TMEM245: variants seen among roughly 807,000 people sequenced by gnomAD.
TMEM245 encodes the protein protein CG-2.
A neutral mutation model predicts 101.2 loss-of-function variants in TMEM245; 69 were observed. That is an observed-to-expected ratio of 0.68 (90% CI 0.56 to 0.83). The LOEUF (loss-of-function observed/expected upper bound fraction) is 0.83, where lower values mean the gene tolerates loss of function less well. Among genes scored for constraint, TMEM245 ranks in the 40% least tolerant of loss-of-function variants. The pLI is 0.00. For missense variants in TMEM245, 1,075 were observed against 1,092.8 expected, an observed-to-expected ratio of 0.98 and a Z score of 0.23; for synonymous variants, 537 against 449.8, an observed-to-expected ratio of 1.19 and a Z score of -2.45.
At chr9:109,034,721 C>T (rs62575217) in intron 16 of TMEM245, among the ~76,000 whole-genome samples, 9,365 of 152,210 alleles carry the variant, frequency 0.062, 371 homozygotes, top group South Asian at 0.14. Flanking sequence ...GGTAGGATTA[C>T]AGGCTTGAGC....
rs769914918 is a variant in TMEM245, at chr9:109,057,196, G to C, written c.1849C>G (p.Leu617Val). 6.2e-7 allele frequency: 1 copy of C among 1,612,276 alleles called. No homozygotes were observed. The highest frequency in any genetic ancestry group is 8.5e-7 in the Non-Finnish European group (1 of 1,179,232). Residue 617 changes from leucine (L) to valine (V), a missense_variant, in exon 12 of 18, where the codon CTT (leucine) becomes GTT (valine). Physicochemically the swap from Leu to Val is conservative, Grantham distance 32. Coordinates refer to ENST00000374586, the MANE Select transcript of TMEM245 (RefSeq NM_032012.4). ...SFVHENIETF[L>V]SILESLWIVM... Reference sequence around the variant, plus strand: ...CTATAAATGCTATTTCTTACCGAAAGAAATGTCTCAATGTTCTCGTGAACA... The same window carrying C: ...CTATAAATGCTATTTCTTACCGAAACAAATGTCTCAATGTTCTCGTGAACA...
chr9:109,116,612 A>G (rs1830730672), intron 1 of TMEM245, among the ~76,000 whole-genome samples: 1 of 151,788 alleles, frequency 6.6e-6, no homozygotes, highest in South Asian at 2.1e-4. Context: ...ACTCACTGCA[A>G]CCTCCAACTC....
intron 4 of TMEM245, 144 bp from the exon 5 acceptor site, chr9:109,091,299 A>G: frequency 1.5e-6 from 1 of 650,276 alleles, no homozygotes; most frequent in Non-Finnish European, 2.6e-6. Flanking sequence ...AAAGACAAAA[A>G]TATTTGGACC....
At chr9:109,074,416 C>A (rs1480130039) in intron 8 of TMEM245, among the ~76,000 whole-genome samples, 1 of 152,160 alleles carries the variant, frequency 6.6e-6, no homozygotes, top group Non-Finnish European at 1.5e-5. Context: ...CTGACCCCAT[C>A]ACCCAGGAGC....
intron 14 of TMEM245, among the ~76,000 whole-genome samples, chr9:109,042,675 T>C (rs1414504916): frequency 6.6e-6 from 1 of 152,056 alleles, no homozygotes; most frequent in Non-Finnish European, 1.5e-5. Flanking sequence ...ATGAAGCTCA[T>C]ATAACATAAA....
chr9:109,106,424 A>C, intron 3 of TMEM245, 84 bp downstream of exon 3: 1 of 788,856 alleles, frequency 1.3e-6, no homozygotes, highest in East Asian at 2.7e-5. Flanking sequence ...ATAGATTCAA[A>C]GCTGTTTCAT....
At position 109,033,431 on chromosome 9, in the gene TMEM245, TTGCTCCTTCCAGGCCTAGGTAGTA is replaced by T; in HGVS notation, c.2446_2469del (p.Tyr816_Ala823del). ...ATGCAGAGAAGAATAGGACCGATGA[TTGCTCCTTCCAGGCCTAGGTAGTA>T]TGCTCCACCGGCCACTGCCAAGCCT... On this transcript the variant is annotated inframe_deletion, in exon 17 of 18. Transcript: ENST00000374586. 1 of 1,614,100 alleles carries T rather than the reference TTGCTCCTTCCAGGCCTAGGTAGTA, an allele frequency of 6.2e-7. No homozygotes were observed. The highest frequency in any genetic ancestry group is 1.3e-5 in the African/African-American group (1 of 75,032).
At chr9:109,082,995 A>C (rs1231654458) in intron 7 of TMEM245, among the ~76,000 whole-genome samples, 2 of 152,118 alleles carry the variant, frequency 1.3e-5, no homozygotes, top group Non-Finnish European at 2.9e-5. Flanking sequence ...ACATGTGGCC[A>C]GTTAAGTTAG....
chr9:109,078,694 G>A (rs1829587751), intron 8 of TMEM245, among the ~76,000 whole-genome samples: 1 of 152,146 alleles, frequency 6.6e-6, no homozygotes, highest in African/African-American at 2.4e-5. Context: ...TCTTTCGGCA[G>A]TTTGACTATG....
chr9:109,063,113 C>A (rs1055442024), intron 10 of TMEM245, among the ~76,000 whole-genome samples: 1 of 152,018 alleles, frequency 6.6e-6, no homozygotes, highest in African/African-American at 2.4e-5. Flanking sequence ...GGTAAACAAG[C>A]TCATCTAATT....
intron 15 of TMEM245, 52 bp from the exon 16 acceptor site, chr9:109,036,432 C>T: frequency 6.7e-7 from 1 of 1,490,160 alleles, no homozygotes; most frequent in East Asian, 2.4e-5. Context: ...AAAACACTAA[C>T]AAAGCAAAAG....
At chr9:109,060,721 C>T (rs901821467) in intron 10 of TMEM245, among the ~76,000 whole-genome samples, 3 of 152,146 alleles carry the variant, frequency 2.0e-5, no homozygotes, top group Non-Finnish European at 4.4e-5. Context: ...GCAAATGAAG[C>T]CATGATTGCT....
Position 109,073,344 on chromosome 9 carries a change from C to A in TMEM245, c.1532+12G>T. ...CATTCATCTCTCTTCTTTTTCAAAACAATATTCTTACTTTGCCCACTCAGG... is the reference window on the plus strand; with the variant it reads ...CATTCATCTCTCTTCTTTTTCAAAAAAATATTCTTACTTTGCCCACTCAGG... On this transcript the variant is annotated intron_variant, in intron 9 of 17. Transcript: ENST00000374586. The A allele has an allele frequency of 6.2e-7, 1 of 1,603,550 alleles. No individual in the cohort carries two copies. Among genetic ancestry groups the A allele is most frequent in the South Asian group, 1.1e-5 (1 of 90,802 alleles).
rs755399182 is a variant in TMEM245, at chr9:109,032,365, C to CTTTTTTTTTTTTTTTTTTTTT, written c.2594+921_2594+941dup. 1.7e-3 allele frequency among the ~76,000 whole-genome samples: 68 copies of CTTTTTTTTTTTTTTTTTTTTT among 40,978 alleles called. 26 individuals are homozygous for CTTTTTTTTTTTTTTTTTTTTT. The highest frequency in any genetic ancestry group is 2.3e-3 in the Non-Finnish European group (51 of 22,612). 26.9% of individuals were successfully genotyped at this position (40,978 alleles called of 152,430 possible). On this transcript the variant is annotated intron_variant, in intron 17 of 17. Coordinates refer to ENST00000374586, the MANE Select transcript of TMEM245 (RefSeq NM_032012.4). ...GCATTTGGTTGTCCTATTTCTTTTC[C>CTTTTTTTTTTTTTTTTTTTTT]TTTTTTTTTTTTTTTTTTTTTTTTT...
At chr9:109,061,663 G>A (rs143532233) in intron 10 of TMEM245, among the ~76,000 whole-genome samples, 16 of 151,882 alleles carry the variant, frequency 1.1e-4, no homozygotes, top group Middle Eastern at 3.4e-3. Context: ...CTGCCTCCCA[G>A]GTTCGAGCAA....
chr9:109,082,367 T>C (rs1829690216), intron 7 of TMEM245, among the ~76,000 whole-genome samples: 1 of 152,134 alleles, frequency 6.6e-6, no homozygotes. Flanking sequence ...GTTTCTAAGA[T>C]ATGGAAGGTC....
intron 3 of TMEM245, among the ~76,000 whole-genome samples, chr9:109,097,269 A>C (rs931556406): frequency 6.6e-6 from 1 of 152,224 alleles, no homozygotes; most frequent in African/African-American, 2.4e-5. Context: ...CAAAAAAACA[A>C]ATATGAAGAC....
chr9:109,060,376 A>G lies in TMEM245; in HGVS notation c.1700T>C (p.Leu567Pro), dbSNP rs1259462411. The stretch of plus-strand genomic sequence containing the variant: ...TACCTTTACAAACCAAGAGTGATAC[A>G]GTCTGTCCCAAAGTTCTAGTACTTG... ...EKQVLELWDR[L>P]YHSWFVKNVT... The change falls in exon 11 of 18, where the codon CTG becomes CCG. Residue 567 changes from leucine to proline, a missense_variant. Around this residue, in one of 2 missense-constraint regions of TMEM245, gnomAD observed 808 missense variants for 741.5 expected, o/e 1.09. Coordinates refer to ENST00000374586, the MANE Select transcript of TMEM245 (RefSeq NM_032012.4). The G allele has an allele frequency of 1.2e-6, 2 of 1,613,298 alleles. No individual in the cohort carries two copies. The highest frequency in any genetic ancestry group is 1.7e-5 in the Admixed American group (1 of 59,932).
intron 15 of TMEM245, among the ~76,000 whole-genome samples, chr9:109,037,186 C>A (rs554189655): frequency 6.6e-6 from 1 of 152,316 alleles, no homozygotes; most frequent in African/African-American, 2.4e-5. Context: ...AGCACCACAA[C>A]AGATCTTAAG....
Sources: allele counts gnomAD v4.1 joint callset (sites outside exome capture counted in the v4.1 genomes callset), GRCh38; gene constraint gnomAD v4.1.1; regional missense constraint gnomAD v4.1.1; transcripts MANE v1.5; gene names NCBI Gene and HGNC (gene_info 2026-07-23, HGNC 2026-07-21).